The following ADAMTSL1 variants were observed in gnomAD, a reference collection of about 807,000 sequenced individuals.
ADAMTSL1 encodes the protein ADAMTS like 1.
In ADAMTSL1, 126 loss-of-function variants were observed where a neutral mutation model predicts 201.8. The ratio of observed to expected loss-of-function variants is 0.62; its 90% CI spans 0.54 to 0.72. The LOEUF is 0.72. Among genes scored for constraint, ADAMTSL1 ranks in the 30% least tolerant of loss-of-function variants. The pLI is 0.00. For missense variants in ADAMTSL1, 2,679 were observed against 2,277.8 expected, an observed-to-expected ratio of 1.18 and a Z score of -3.59; for synonymous variants, 1,121 against 903.4, an observed-to-expected ratio of 1.24 and a Z score of -4.32.
In ADAMTSL1 at chr9:18,331,832, T is replaced by G. The variant is rs1209050519; in HGVS notation, c.207+167851T>G. Among the ~76,000 whole-genome samples, 9 of 152,308 alleles carry G rather than the reference T, an allele frequency of 5.9e-5. No homozygotes were observed. In the East Asian group the frequency reaches 1.4e-3, roughly 23 times the overall value. On this transcript the variant is annotated intron_variant, in intron 2 of 29. Coordinates refer to the ADAMTSL1 transcript ENST00000680146. ...CCTTAATCCAGCAATGGAACTAAAA[T>G]GAAAATAGAATTACCAAAAGGGCAG... is the stretch of plus-strand genomic sequence containing the variant.
chr9:18,032,377 A>G (rs1262204779), intron 1 of ADAMTSL1, among the ~76,000 whole-genome samples: 3 of 152,138 alleles, frequency 2.0e-5, no homozygotes, highest in African/African-American at 4.8e-5. Context: ...GACCCTCAGG[A>G]CTGAGTACTG....
chr9:18,094,193 C>A (rs1034630017), intron 1 of ADAMTSL1, among the ~76,000 whole-genome samples: 1 of 152,186 alleles, frequency 6.6e-6, no homozygotes, highest in African/African-American at 2.4e-5. Context: ...TTAATGTGTT[C>A]TTTCAAACCG....
Position 18,366,168 on chromosome 9 carries a change from C to T in ADAMTSL1, c.208-138661C>T, listed in dbSNP as rs373573440. Among the ~76,000 whole-genome samples, 76 of 151,970 alleles carry T rather than the reference C, an allele frequency of 5.0e-4. No individual in the cohort carries two copies. In the East Asian group the frequency reaches 6.4e-3, roughly 13 times the overall value. Reference sequence around the variant, plus strand: ...TGGAGTGAGGTTCCTTTGAATGCAACGAAACATAAACAAGGCAGTTCAATT... The same window carrying T: ...TGGAGTGAGGTTCCTTTGAATGCAATGAAACATAAACAAGGCAGTTCAATT... On this transcript the variant is annotated intron_variant, in intron 2 of 29. Transcript: ENST00000680146.
chr9:18,650,956 A>T (rs1005065227), intron 7 of ADAMTSL1, among the ~76,000 whole-genome samples: 1 of 152,258 alleles, frequency 6.6e-6, no homozygotes, highest in Non-Finnish European at 1.5e-5. Context: ...GAGATAATGT[A>T]TATAAAAGTG....
At chr9:18,287,439 T>C (rs1833037057) in intron 2 of ADAMTSL1, among the ~76,000 whole-genome samples, 2 of 151,836 alleles carry the variant, frequency 1.3e-5, no homozygotes, top group South Asian at 2.1e-4. Context: ...TTTCTACATA[T>C]ATGTATGTGT....
chr9:18,085,628 CTG>C (rs377121145), intron 1 of ADAMTSL1, among the ~76,000 whole-genome samples: 3,855 of 146,780 alleles, frequency 0.026, 73 homozygotes, highest in South Asian at 0.082. Context: ...CGTATATACA[CTG>C]TGTGTGTATA....
chr9:18,137,972 C>G (rs1826229268), intron 1 of ADAMTSL1, among the ~76,000 whole-genome samples: 1 of 152,128 alleles, frequency 6.6e-6, no homozygotes. Flanking sequence ...TAGGGACCAC[C>G]TAGTGGACAG....
intron 5 of ADAMTSL1, among the ~76,000 whole-genome samples, chr9:18,625,126 C>G (rs1242622675): frequency 6.6e-6 from 1 of 152,180 alleles, no homozygotes; most frequent in Non-Finnish European, 1.5e-5. Flanking sequence ...GCCAGGTGAG[C>G]AGTTCTCCAC....
intron 2 of ADAMTSL1, among the ~76,000 whole-genome samples, chr9:18,343,441 C>T (rs867011070): frequency 6.6e-6 from 1 of 152,090 alleles, no homozygotes; most frequent in Non-Finnish European, 1.5e-5. Context: ...GTATCAGTTA[C>T]AAGCACAAGT....
At chr9:18,180,414 T>C (rs935806277) in intron 2 of ADAMTSL1, among the ~76,000 whole-genome samples, 35 of 150,248 alleles carry the variant, frequency 2.3e-4, no homozygotes, top group Non-Finnish European at 4.0e-4. Flanking sequence ...GCGCCTGTAG[T>C]CCCAGCTACT....
intron 1 of ADAMTSL1, among the ~76,000 whole-genome samples, chr9:18,039,017 C>T (rs563807108): frequency 6.6e-6 from 1 of 152,132 alleles, no homozygotes; most frequent in African/African-American, 2.4e-5. Flanking sequence ...AAAGCACTAA[C>T]CCAGAGCCTA....
intron 2 of ADAMTSL1, among the ~76,000 whole-genome samples, chr9:18,316,783 G>GGGTAT (rs1490041713): frequency 5.9e-5 from 9 of 152,266 alleles, no homozygotes; most frequent in African/African-American, 2.2e-4. Context: ...GAAATCACAA[G>GGGTAT]GGTATTGATT....
At chr9:18,516,013 AGAGTT>A (rs905172808) in intron 2 of ADAMTSL1, among the ~76,000 whole-genome samples, 18 of 150,940 alleles carry the variant, frequency 1.2e-4, no homozygotes, top group African/African-American at 3.2e-4. Context: ...TCCTATCCAC[AGAGTT>A]GAGTTGAGTT....
intron 4 of ADAMTSL1, among the ~76,000 whole-genome samples, chr9:18,579,985 TAGAGA>T (rs1224653504): frequency 1.3e-5 from 2 of 152,264 alleles, no homozygotes; most frequent in East Asian, 3.9e-4. Context: ...TGAAAGCAAA[TAGAGA>T]AAAGTATGTT....
At chr9:18,652,274 A>G (rs1828330989) in intron 7 of ADAMTSL1, among the ~76,000 whole-genome samples, 1 of 150,368 alleles carries the variant, frequency 6.7e-6, no homozygotes, top group South Asian at 2.1e-4. Context: ...CGGGAGGCTG[A>G]GGCAGGAAAA....
chr9:18,853,561 G>A (rs775208908), intron 23 of ADAMTSL1, among the ~76,000 whole-genome samples: 1 of 152,132 alleles, frequency 6.6e-6, no homozygotes, highest in African/African-American at 2.4e-5. Context: ...GAGAATTCAG[G>A]CTCCTCTCAT....
intron 2 of ADAMTSL1, among the ~76,000 whole-genome samples, chr9:18,290,781 G>GTTTTTTTT (rs71492936): frequency 1.8e-4 from 24 of 135,064 alleles, no homozygotes; most frequent in African/African-American, 6.8e-4. Flanking sequence ...TTTTTTGTGT[G>GTTTTTTTT]TTTTTTTTTT....
chr9:18,385,338 C>T (rs1458235178), intron 2 of ADAMTSL1, among the ~76,000 whole-genome samples: 1 of 152,100 alleles, frequency 6.6e-6, no homozygotes, highest in Non-Finnish European at 1.5e-5. Flanking sequence ...AATTGCCAGA[C>T]ATCCTTTGAG....
chr9:18,777,939 G>T, intron 19 of ADAMTSL1, 33 bp downstream of exon 19: 1 of 1,516,374 alleles, frequency 6.6e-7, no homozygotes, highest in Non-Finnish European at 8.8e-7. Context: ...TCTTGGGAGG[G>T]AGGCAAGGGG....
Sources: gnomAD v4.1 joint callset for allele counts (sites outside exome capture counted in the v4.1 genomes callset) on GRCh38, gnomAD v4.1.1 for gene constraint, MANE v1.5 for transcripts, NCBI Gene and HGNC (gene_info 2026-07-23, HGNC 2026-07-21) for gene names.